WBP1L: variants seen among roughly 807,000 people sequenced by gnomAD.
The protein encoded by WBP1L is WW domain binding protein 1 like, also known as WW domain binding protein 1-like.
Under a neutral mutation model 33.7 loss-of-function variants are expected in WBP1L, and 17 were observed. The ratio of observed to expected loss-of-function variants is 0.50; its 90% CI spans 0.34 to 0.76. The LOEUF (loss-of-function observed/expected upper bound fraction) is 0.76, where lower values mean the gene tolerates loss of function less well. Ranked by LOEUF, WBP1L falls within the 30% of genes least tolerant of loss-of-function variation. The probability of loss-of-function intolerance (pLI) is 0.01; values close to 1 mark genes in which losing one functional copy is unlikely to be tolerated. For missense variants in WBP1L, 389 were observed against 469.4 expected, an observed-to-expected ratio of 0.83 and a Z score of 1.58; for synonymous variants, 173 against 190.8, an observed-to-expected ratio of 0.91 and a Z score of 0.77.
chr10:102,792,592 CTTTTTTTTTT>C lies in WBP1L; in HGVS notation c.91-5391_91-5382del, dbSNP rs11368357. Among the ~76,000 whole-genome samples the C allele has an allele frequency of 1.6e-4, 17 of 103,586 alleles. No homozygotes were observed. The Admixed American group carries it at 1.9e-3, about 11-fold the overall frequency. 68.0% of individuals were successfully genotyped at this position (103,586 alleles called of 152,430 possible). On this transcript the variant is annotated intron_variant, in intron 1 of 3. Transcript: ENST00000448841. Reference sequence around the variant, plus strand: ...TCCTAGTTACTTTTTTTTTTCTTTTCTTTTTTTTTTTTTTTTTTTGAGACAGTGTTTCGCT... The same window carrying C: ...TCCTAGTTACTTTTTTTTTTCTTTTCTTTTTTTTTGAGACAGTGTTTCGCT...
intron 1 of WBP1L, among the ~76,000 whole-genome samples, chr10:102,787,059 G>A (rs1378634898): frequency 1.3e-5 from 2 of 152,184 alleles, no homozygotes; most frequent in African/African-American, 4.8e-5. Context: ...TGTAGCCCAG[G>A]CTATTTGTTC....
intron 1 of WBP1L, among the ~76,000 whole-genome samples, chr10:102,759,887 A>T (rs995637062): frequency 3.3e-5 from 5 of 152,196 alleles, no homozygotes; most frequent in African/African-American, 9.7e-5. Flanking sequence ...TATACCTAGT[A>T]GTGGAATTGC....
chr10:102,780,037 T>C (rs1843316435), intron 1 of WBP1L, among the ~76,000 whole-genome samples: 1 of 152,190 alleles, frequency 6.6e-6, no homozygotes, highest in Admixed American at 6.5e-5. Flanking sequence ...ATAAGGACCT[T>C]AGTTCACCAG....
At chr10:102,797,753 A>T (rs1843593849) in intron 1 of WBP1L, among the ~76,000 whole-genome samples, 1 of 151,906 alleles carries the variant, frequency 6.6e-6, no homozygotes, top group African/African-American at 2.4e-5. Context: ...GGATTTCATC[A>T]TGTTGGTCAG....
chr10:102,766,163 C>T (rs1284362674), intron 1 of WBP1L, among the ~76,000 whole-genome samples: 1 of 151,852 alleles, frequency 6.6e-6, no homozygotes, highest in Non-Finnish European at 1.5e-5. Flanking sequence ...TAGCCAGGGC[C>T]AGGTGCAGTG....
At chr10:102,805,392 A>G (rs1469521991) in intron 2 of WBP1L, among the ~76,000 whole-genome samples, 2 of 152,174 alleles carry the variant, frequency 1.3e-5, no homozygotes, top group Admixed American at 1.3e-4. Context: ...AACTATTGAA[A>G]AAATGACTGG....
intron 1 of WBP1L, among the ~76,000 whole-genome samples, chr10:102,796,623 GGCT>G (rs1843577199): frequency 6.6e-6 from 1 of 152,172 alleles, no homozygotes; most frequent in African/African-American, 2.4e-5. Flanking sequence ...CAAATACTGT[GGCT>G]TTAGTTTATT....
chr10:102,761,616 C>T lies in WBP1L; in HGVS notation c.90+17473C>T, dbSNP rs959316661. Among the ~76,000 whole-genome samples the T allele has an allele frequency of 3.9e-5, 6 of 152,224 alleles. 1 individual carries two copies. In the Middle Eastern group the frequency reaches 0.01, roughly 259 times the overall value. ...GGATTACAGGCACCTTCCACCATGC[C>T]CAGCTAATTTTTTGTATTTTTAGTG... On this transcript the variant is annotated intron_variant, in intron 1 of 3. Transcript: ENST00000448841.
intron 1 of WBP1L, among the ~76,000 whole-genome samples, chr10:102,759,317 C>A (rs1199358660): frequency 6.6e-6 from 1 of 152,212 alleles, no homozygotes; most frequent in Non-Finnish European, 1.5e-5. Flanking sequence ...TGACCCTATA[C>A]CTGCCGGTTA....
chr10:102,805,728 T>TCAA lies in WBP1L; in HGVS notation c.194-4149_194-4147dup, dbSNP rs1158040856. ...CTGGGCAACCTTGTGAGACCTCATC[T>TCAA]CAACAACAACAACAACAAAATTAGT... is the stretch of plus-strand genomic sequence containing the variant. On this transcript the variant is annotated intron_variant, in intron 2 of 3. Coordinates refer to ENST00000448841, the MANE Select transcript of WBP1L (RefSeq NM_001083913.2). Among the ~76,000 whole-genome samples, 8 of 149,222 alleles carry TCAA rather than the reference T, an allele frequency of 5.4e-5. No individual in the cohort carries two copies. In the East Asian group the frequency reaches 6.0e-4, roughly 11 times the overall value.
intron 2 of WBP1L, among the ~76,000 whole-genome samples, chr10:102,799,963 C>T (rs1452104117): frequency 6.6e-6 from 1 of 152,178 alleles, no homozygotes; most frequent in Non-Finnish European, 1.5e-5. Flanking sequence ...GGCTCATCTG[C>T]CTTTCTGAGG....
chr10:102,764,066 G>A (rs1564756174), intron 1 of WBP1L, among the ~76,000 whole-genome samples: 4 of 151,202 alleles, frequency 2.6e-5, no homozygotes, highest in South Asian at 2.1e-4. Flanking sequence ...CGCCTGCCTC[G>A]GCCTCCCAAA....
chr10:102,755,432 C>T (rs1842964201), intron 1 of WBP1L, among the ~76,000 whole-genome samples: 1 of 151,800 alleles, frequency 6.6e-6, no homozygotes, highest in African/African-American at 2.4e-5. Context: ...TGCTCCATTG[C>T]CCAGGCTGGA....
intron 1 of WBP1L, among the ~76,000 whole-genome samples, chr10:102,775,948 A>AG (rs1227832955): frequency 6.6e-6 from 1 of 152,144 alleles, no homozygotes; most frequent in African/African-American, 2.4e-5. Context: ...CTTAGAGCCA[A>AG]GGGGTTGCAG....
intron 3 of WBP1L, among the ~76,000 whole-genome samples, chr10:102,812,300 C>T (rs1408656279): frequency 1.3e-5 from 2 of 152,222 alleles, no homozygotes; most frequent in Admixed American, 6.5e-5. Context: ...CCATCTACCA[C>T]GTTTGCCTAA....
intron 1 of WBP1L, among the ~76,000 whole-genome samples, chr10:102,748,362 C>T (rs1478293417): frequency 6.6e-6 from 1 of 152,136 alleles, no homozygotes; most frequent in African/African-American, 2.4e-5. Flanking sequence ...CCTTTGGTTC[C>T]CACCTTACCT....
chr10:102,788,214 T>C (rs1189748444), intron 1 of WBP1L, among the ~76,000 whole-genome samples: 3 of 150,478 alleles, frequency 2.0e-5, no homozygotes, highest in Non-Finnish European at 4.4e-5. Flanking sequence ...CTGCAACCTC[T>C]GCCTCCTGGG....
chr10:102,746,855 C>CT (rs1243499206), intron 1 of WBP1L, among the ~76,000 whole-genome samples: 2 of 151,952 alleles, frequency 1.3e-5, no homozygotes, highest in Non-Finnish European at 2.9e-5. Flanking sequence ...CATGCACAAT[C>CT]TTTTTTTTAC....
chr10:102,789,214 C>T (rs1256592962), intron 1 of WBP1L, among the ~76,000 whole-genome samples: 2 of 152,202 alleles, frequency 1.3e-5, no homozygotes, highest in East Asian at 3.8e-4. Context: ...CCACCTGCCT[C>T]AGCCTCCCAA....
Sources: allele counts gnomAD v4.1 joint callset (sites outside exome capture counted in the v4.1 genomes callset), GRCh38; gene constraint gnomAD v4.1.1; transcripts MANE v1.5; gene names NCBI Gene and HGNC (gene_info 2026-07-23, HGNC 2026-07-21).